The following PDZRN4 variants were observed in gnomAD, a reference collection of about 807,000 sequenced individuals.
PDZRN4 encodes the protein PDZ domain-containing RING finger protein 4.
PDZRN4 carries 70 observed loss-of-function variants against 99.0 expected under a neutral mutation model. The observed-to-expected ratio is 0.71, with a 90% confidence interval of 0.58 to 0.86. The LOEUF (loss-of-function observed/expected upper bound fraction) is 0.86, where lower values mean the gene tolerates loss of function less well. PDZRN4 is among the 40% of genes least tolerant of loss of function. PDZRN4 has a pLI of 0.00. For synonymous variants in PDZRN4, 551 were observed against 501.6 expected (o/e 1.10, Z -1.32); for missense variants, 1,474 against 1,331.2 (o/e 1.11, Z -1.67).
chr12:41,515,707 T>A (rs979961324), intron 5 of PDZRN4, among the ~76,000 whole-genome samples: 2 of 152,024 alleles, frequency 1.3e-5, no homozygotes, highest in Non-Finnish European at 2.9e-5. Context: ...TTTCTCCTTA[T>A]CACTGCTGCC....
intron 3 of PDZRN4, among the ~76,000 whole-genome samples, chr12:41,238,536 C>T (rs1951082015): frequency 6.6e-6 from 1 of 151,810 alleles, no homozygotes; most frequent in Non-Finnish European, 1.5e-5. Flanking sequence ...AGAAAGAAAA[C>T]AAACAACCCC....
At chr12:41,294,801 G>T (rs976168454) in intron 3 of PDZRN4, among the ~76,000 whole-genome samples, 1 of 152,074 alleles carries the variant, frequency 6.6e-6, no homozygotes, top group African/African-American at 2.4e-5. Flanking sequence ...AGATCTAAGA[G>T]ATCTTTTCAA....
At chr12:41,470,796 C>T (rs1952981499) in intron 3 of PDZRN4, among the ~76,000 whole-genome samples, 2 of 152,170 alleles carry the variant, frequency 1.3e-5, no homozygotes, top group Middle Eastern at 3.4e-3. Context: ...TTGGCAAGAA[C>T]GAGCCTCATG....
intron 6 of PDZRN4, among the ~76,000 whole-genome samples, chr12:41,555,087 C>T (rs1347352063): frequency 2.1e-5 from 3 of 146,314 alleles, no homozygotes; most frequent in South Asian, 4.4e-4. Context: ...AAAAATTAGC[C>T]AGGCGTGGTG....
intron 3 of PDZRN4, among the ~76,000 whole-genome samples, chr12:41,224,752 C>A (rs1198351333): frequency 6.6e-6 from 1 of 152,054 alleles, no homozygotes; most frequent in East Asian, 1.9e-4. Context: ...TTCAATACAC[C>A]TTTTATTATA....
chr12:41,233,494 T>C (rs1293214135), intron 3 of PDZRN4, among the ~76,000 whole-genome samples: 1 of 152,116 alleles, frequency 6.6e-6, no homozygotes, highest in Non-Finnish European at 1.5e-5. Context: ...CACACGTATG[T>C]TTATAGCAGC....
chr12:41,261,453 C>A (rs1156732450), intron 3 of PDZRN4, among the ~76,000 whole-genome samples: 4 of 152,046 alleles, frequency 2.6e-5, no homozygotes, highest in African/African-American at 9.7e-5. Context: ...AGATTTCATT[C>A]TTTCACAAAG....
rs11180970 is a variant in PDZRN4, at chr12:41,508,245, C to G, written c.1100+1533C>G. Among the ~76,000 whole-genome samples, 1,342 of 152,192 alleles carry G rather than the reference C, an allele frequency of 8.8e-3. 55 individuals carry two copies. In the East Asian group the frequency reaches 0.14, roughly 15 times the overall value. On this transcript the variant is annotated intron_variant, in intron 4 of 9. Coordinates refer to ENST00000402685, the MANE Select transcript of PDZRN4 (RefSeq NM_001164595.2). ...CTAAGAGGTCTGACCCCAATGCCTA[C>G]CCCCTTAGCCAGTGCATCTTGCTGC...
At position 41,483,886 on chromosome 12, in the gene PDZRN4, A is replaced by G. The variant is rs145922119; in HGVS notation, c.844-22570A>G. ...GTAGTACACACATTGCATTTATGAG[A>G]AAAGAGCCCTCTTCATCTGACATGT... On this transcript the variant is annotated intron_variant, in intron 3 of 9. Coordinates refer to ENST00000402685, the MANE Select transcript of PDZRN4 (RefSeq NM_001164595.2). Among the ~76,000 whole-genome samples the G allele has an allele frequency of 5.5e-3, 845 of 152,286 alleles. 10 individuals carry two copies. Among genetic ancestry groups the G allele is most frequent in the African/African-American group, 0.019 (802 of 41,576 alleles).
At chr12:41,297,554 G>A (rs1951504433) in intron 3 of PDZRN4, among the ~76,000 whole-genome samples, 1 of 152,070 alleles carries the variant, frequency 6.6e-6, no homozygotes, top group African/African-American at 2.4e-5. Context: ...TAAAATTGAG[G>A]GCAGACAGTA....
chr12:41,355,361 A>G (rs1951919815), intron 3 of PDZRN4, among the ~76,000 whole-genome samples: 2 of 152,000 alleles, frequency 1.3e-5, no homozygotes, highest in Admixed American at 1.3e-4. Context: ...ACCCTTTTCT[A>G]GCAGTTATCT....
At chr12:41,301,198 C>G (rs79429461) in intron 3 of PDZRN4, among the ~76,000 whole-genome samples, 5,800 of 151,974 alleles carry the variant, frequency 0.038, 363 homozygotes, top group East Asian at 0.28. Flanking sequence ...GGGGAAGAGG[C>G]AGAAACGATG....
At chr12:41,350,271 T>C (rs895403417) in intron 3 of PDZRN4, among the ~76,000 whole-genome samples, 7 of 152,076 alleles carry the variant, frequency 4.6e-5, no homozygotes, top group African/African-American at 1.7e-4. Context: ...TTAATATTAG[T>C]TCCTAGTACT....
chr12:41,307,182 G>C (rs893150845), intron 3 of PDZRN4, among the ~76,000 whole-genome samples: 1 of 151,950 alleles, frequency 6.6e-6, no homozygotes, highest in Non-Finnish European at 1.5e-5. Context: ...TCTGCTTGGG[G>C]TACCACAGCA....
chr12:41,536,761 T>TAAAAAAAAAAAAAAAAAAAAAA (rs59008796), intron 5 of PDZRN4, among the ~76,000 whole-genome samples: 7 of 137,364 alleles, frequency 5.1e-5, no homozygotes, highest in East Asian at 2.0e-4. Flanking sequence ...TATTGAAAAG[T>TAAAAAAAAAAAAAAAAAAAAAA]AAAAAAAAAA....
At chr12:41,273,278 C>T (rs1036815997) in intron 3 of PDZRN4, among the ~76,000 whole-genome samples, 16 of 152,092 alleles carry the variant, frequency 1.1e-4, no homozygotes, top group African/African-American at 3.9e-4. Flanking sequence ...AAGTTATAAT[C>T]CAGTTTCATA....
chr12:41,249,018 A>G (rs76399497), intron 3 of PDZRN4, among the ~76,000 whole-genome samples: 1 of 152,168 alleles, frequency 6.6e-6, no homozygotes, highest in Admixed American at 6.5e-5. Context: ...ATGATTTCCC[A>G]GTATTTATCT....
chr12:41,485,285 G>A (rs1332101749), intron 3 of PDZRN4, among the ~76,000 whole-genome samples: 1 of 152,142 alleles, frequency 6.6e-6, no homozygotes, highest in Non-Finnish European at 1.5e-5. Flanking sequence ...CAGGCAAAAT[G>A]CATTATTCTG....
intron 3 of PDZRN4, among the ~76,000 whole-genome samples, chr12:41,286,149 G>A (rs1373010343): frequency 6.6e-6 from 1 of 151,904 alleles, no homozygotes; most frequent in Admixed American, 6.6e-5. Context: ...ACACTAAGGA[G>A]ACTATTCTGC....
Sources: gnomAD v4.1 joint callset for allele counts (sites outside exome capture counted in the v4.1 genomes callset) on GRCh38, gnomAD v4.1.1 for gene constraint, MANE v1.5 for transcripts, NCBI Gene and HGNC (gene_info 2026-07-23, HGNC 2026-07-21) for gene names.